The following CFTR variants were observed in gnomAD, a reference collection of about 807,000 sequenced individuals.
CFTR encodes CF transmembrane conductance regulator.
CFTR carries 181 observed loss-of-function variants against 171.6 expected under a neutral mutation model. The observed-to-expected ratio is 1.05, with a 90% confidence interval of 0.93 to 1.19. The LOEUF (loss-of-function observed/expected upper bound fraction) is 1.19. CFTR is among the 50% of genes most tolerant of loss of function. The pLI is 0.00. For missense variants in CFTR, 1,968 were observed against 1,734.7 expected (o/e 1.13, Z -2.39); for synonymous variants, 583 against 608.0 (o/e 0.96, Z 0.60).
At chr7:117,642,660 G>T in intron 23 of CFTR, 67 bp downstream of exon 23, 2 of 1,509,682 alleles carry the variant, frequency 1.3e-6, no homozygotes, top group South Asian at 1.2e-5. Context: ...TTTGATACTT[G>T]TACTCAAGAA....
At chr7:117,655,251 G>A (rs1313005025) in intron 24 of CFTR, among the ~76,000 whole-genome samples, 1 of 152,136 alleles carries the variant, frequency 6.6e-6, no homozygotes. Flanking sequence ...GCAGTCAAGA[G>A]TAACTAAGCT....
At position 117,480,145 on chromosome 7, in the gene CFTR, C is replaced by G. The variant is rs1797978780; in HGVS notation, c.51C>G (p.Phe17Leu). The change falls in exon 1 of 27, where the codon TTC becomes TTG. Residue 17 changes from phenylalanine to leucine, a missense_variant and splice_region_variant. Physicochemically the swap from Phe to Leu is conservative, Grantham distance 22 (BLOSUM62 0). Coordinates refer to ENST00000003084, the MANE Select transcript of CFTR (RefSeq NM_000492.4). Reference protein sequence around the residue: ...EKASVVSKLFFSWTRPILRKG... With the variant: ...EKASVVSKLFLSWTRPILRKG... The stretch of plus-strand genomic sequence containing the variant: ...CCAGCGTTGTCTCCAAACTTTTTTT[C>G]AGGTGAGAAGGTGGCCAACCGAGCT... The G allele has an allele frequency of 6.2e-7, 1 of 1,613,752 alleles. No homozygotes were observed. The highest frequency in any genetic ancestry group is 1.7e-5 in the Admixed American group (1 of 59,994).
At chr7:117,659,719 G>C (rs1793236852) in intron 24 of CFTR, among the ~76,000 whole-genome samples, 1 of 152,290 alleles carries the variant, frequency 6.6e-6, no homozygotes, top group Admixed American at 6.5e-5. Context: ...TTATAAAATA[G>C]TTTCCATCCT....
rs146947665 is a variant in CFTR at position 117,664,847 on chromosome 7, C to A, written c.4123C>A (p.His1375Asn). 332 of 1,613,782 alleles carry A rather than the reference C, an allele frequency of 2.1e-4. 1 individual carries two copies. The highest frequency in any genetic ancestry group is 2.8e-4 in the Non-Finnish European group (325 of 1,179,866). Residue 1375 changes from histidine (H) to asparagine (N), a missense_variant, in exon 25 of 27, where the codon CAT becomes AAT. Physicochemically the swap from His to Asn is moderately conservative, Grantham distance 68. Transcript: ENST00000003084. ...CTTGCTGCTTGATGAACCCAGTGCT[C>A]ATTTGGATCCAGTGTGAGTTTCAGA... ...KILLLDEPSA[H>N]LDPVTYQIIR...
chr7:117,655,139 C>T (rs2083439892), intron 24 of CFTR, among the ~76,000 whole-genome samples: 1 of 152,176 alleles, frequency 6.6e-6, no homozygotes, highest in South Asian at 2.1e-4. Flanking sequence ...TCATCTTTCA[C>T]AATATGGATA....
intron 11 of CFTR, 51 bp from the exon 12 acceptor site, chr7:117,587,688 C>A: frequency 1.9e-6 from 2 of 1,031,058 alleles, no homozygotes; most frequent in South Asian, 1.3e-5. Flanking sequence ...CTTTCAAATT[C>A]AGATTGAGCA....
At chr7:117,585,737 G>A (rs1212074699) in intron 11 of CFTR, among the ~76,000 whole-genome samples, 1 of 152,118 alleles carries the variant, frequency 6.6e-6, no homozygotes, top group African/African-American at 2.4e-5. Context: ...GAATTCCTGG[G>A]TTCAAGCAAT....
rs1178839222 is a variant in CFTR at position 117,592,568 on chromosome 7, A to T, written c.2401A>T (p.Asn801Tyr). 1 of 1,522,512 alleles carries T rather than the reference A, an allele frequency of 6.6e-7. No individual in the cohort carries two copies. Among genetic ancestry groups the T allele is most frequent in the East Asian group, 2.3e-5 (1 of 44,198 alleles). 94.3% of individuals were successfully genotyped at this position (1,522,512 alleles called of 1,614,324 possible). ...AAAAGTGTCACTGGCCCCTCAGGCA[A>T]ACTTGACTGAACTGGATATATATTC... ...TRKVSLAPQA[N>Y]LTELDIYSRR... Residue 801 changes from asparagine to tyrosine, a missense_variant, in exon 14 of 27, where the codon AAC becomes TAC. Transcript: ENST00000003084.
chr7:117,663,778 A>T (rs935394329), intron 24 of CFTR, among the ~76,000 whole-genome samples: 20 of 152,220 alleles, frequency 1.3e-4, no homozygotes, highest in African/African-American at 4.8e-4. Flanking sequence ...GGAGACAATC[A>T]TCTGTATATC....
chr7:117,501,336 G>A (rs914087341), intron 1 of CFTR, among the ~76,000 whole-genome samples: 5 of 152,024 alleles, frequency 3.3e-5, no homozygotes, highest in African/African-American at 1.2e-4. Context: ...TTCCAGCTGA[G>A]CTGATTTTTA....
intron 11 of CFTR, chr7:117,560,597 G>T (rs1443931968): frequency 1.3e-5 from 2 of 151,986 alleles, no homozygotes; most frequent in African/African-American, 4.8e-5. Flanking sequence ...AAAAAGGGTT[G>T]CATGCTTACA....
chr7:117,508,799 G>A (rs1798463741), intron 2 of CFTR, among the ~76,000 whole-genome samples: 2 of 152,294 alleles, frequency 1.3e-5, no homozygotes, highest in Admixed American at 6.5e-5. Context: ...CACATACAAT[G>A]TGGCCTTTTC....
At chr7:117,563,362 C>T (rs1022872638) in intron 11 of CFTR, among the ~76,000 whole-genome samples, 10 of 151,976 alleles carry the variant, frequency 6.6e-5, no homozygotes, top group African/African-American at 2.2e-4. Flanking sequence ...TTCAGGAATC[C>T]AGATATGGTC....
rs1203770548 is a variant in CFTR at position 117,592,285 on chromosome 7, C to T, written c.2118C>T (p.Asn706=). 6.2e-7 allele frequency: 1 copy of T among 1,613,926 alleles called. No homozygotes were observed. Among genetic ancestry groups the T allele is most frequent in the Non-Finnish European group, 8.5e-7 (1 of 1,180,026 alleles). The change falls in exon 14 of 27, where the codon AAC becomes AAT. Residue 706 remains asparagine (N), a synonymous_variant. Coordinates refer to ENST00000003084, the MANE Select transcript of CFTR (RefSeq NM_000492.4). ...KRKNSILNPI[N]SIRKFSIVQK... ...AGAATTCTATTCTCAATCCAATCAACTCTATACGAAAATTTTCCATTGTGC... is the reference window on the plus strand; with the variant it reads ...AGAATTCTATTCTCAATCCAATCAATTCTATACGAAAATTTTCCATTGTGC...
In CFTR at chr7:117,484,908, T is replaced by A. The variant is rs541927894; in HGVS notation, c.53+4761T>A. ...AGTGTAGTTTTAATATTTAATTCCT[T>A]GCTAAAGAGAGAAGTGGAATCTATT... On this transcript the variant is annotated intron_variant, in intron 1 of 26. Transcript: ENST00000003084. Among the ~76,000 whole-genome samples the A allele has an allele frequency of 5.9e-5, 9 of 152,226 alleles. No homozygotes were observed. In the Middle Eastern group the frequency reaches 0.014, roughly 230 times the overall value.
intron 22 of CFTR, among the ~76,000 whole-genome samples, chr7:117,633,484 T>C (rs184277354): frequency 2.6e-5 from 4 of 152,274 alleles, no homozygotes; most frequent in Admixed American, 1.3e-4. Context: ...CCAATCTGTA[T>C]ACCTTTATCT....
At chr7:117,573,345 TTATC>T (rs1456888266) in intron 11 of CFTR, among the ~76,000 whole-genome samples, 2 of 152,160 alleles carry the variant, frequency 1.3e-5, no homozygotes, top group Non-Finnish European at 2.9e-5. Flanking sequence ...CTAGTACTCT[TTATC>T]TAAGTATTCT....
At chr7:117,619,689 A>T (rs534269324) in intron 21 of CFTR, among the ~76,000 whole-genome samples, 2 of 152,234 alleles carry the variant, frequency 1.3e-5, no homozygotes, top group African/African-American at 4.8e-5. Context: ...TGTTTCCATT[A>T]GCTGTCTACC....
At chr7:117,578,526 C>T (rs966595000) in intron 11 of CFTR, among the ~76,000 whole-genome samples, 2 of 151,984 alleles carry the variant, frequency 1.3e-5, no homozygotes, top group African/African-American at 2.4e-5. Context: ...TGTGGGTGTT[C>T]GACTGCATGG....
Sources: gnomAD v4.1 joint callset for allele counts (sites outside exome capture counted in the v4.1 genomes callset) on GRCh38, gnomAD v4.1.1 for gene constraint, MANE v1.5 for transcripts, NCBI Gene and HGNC (gene_info 2026-07-23, HGNC 2026-07-21) for gene names.